RFX4: variants seen among roughly 807,000 people sequenced by gnomAD.
The protein encoded by RFX4 is regulatory factor X4, also known as transcription factor RFX4.
In RFX4, 10 loss-of-function variants were observed where a neutral mutation model predicts 95.0. The observed-to-expected ratio is 0.11, with a 90% CI of 0.06 to 0.18. The LOEUF is 0.18. Ranked by LOEUF, RFX4 falls within the 10% of genes least tolerant of loss-of-function variation. The probability of loss-of-function intolerance (pLI) is 1.00; values close to 1 mark genes in which losing one functional copy is unlikely to be tolerated. For missense variants in RFX4, 640 were observed against 922.0 expected, an observed-to-expected ratio of 0.69 and a Z score of 3.96; for synonymous variants, 321 against 340.7, an observed-to-expected ratio of 0.94 and a Z score of 0.64.
chr12:106,641,979 A>ATATCTATATCTATATC (rs1565961050), intron 3 of RFX4, among the ~76,000 whole-genome samples: 9 of 126,086 alleles, frequency 7.1e-5, no homozygotes, highest in African/African-American at 2.8e-4. Flanking sequence ...ATCTATATCT[A>ATATCTATATCTATATC]TATCTATATC....
At chr12:106,613,891 C>G (rs1364190702) in intron 2 of RFX4, among the ~76,000 whole-genome samples, 5 of 152,084 alleles carry the variant, frequency 3.3e-5, no homozygotes, top group Non-Finnish European at 7.3e-5. Context: ...AGTAGAATTG[C>G]TAGATCATAA....
chr12:106,698,076 G>T (rs2041915398), intron 8 of RFX4, among the ~76,000 whole-genome samples: 2 of 151,768 alleles, frequency 1.3e-5, no homozygotes, highest in African/African-American at 4.8e-5. Flanking sequence ...GGGTTCAAGT[G>T]ATTCTCCTGC....
At chr12:106,727,387 G>A (rs969845268) in intron 13 of RFX4, among the ~76,000 whole-genome samples, 5 of 152,084 alleles carry the variant, frequency 3.3e-5, no homozygotes, top group South Asian at 2.1e-4. Context: ...ACTTAATGGC[G>A]AAATGTTAGA....
At chr12:106,627,649 T>C (rs1310349925) in intron 2 of RFX4, among the ~76,000 whole-genome samples, 2 of 152,226 alleles carry the variant, frequency 1.3e-5, no homozygotes, top group African/African-American at 4.8e-5. Flanking sequence ...CTTAGTTGAT[T>C]ATCCAATTTG....
At chr12:106,680,039 C>A (rs934162486) in intron 4 of RFX4, among the ~76,000 whole-genome samples, 3 of 152,212 alleles carry the variant, frequency 2.0e-5, no homozygotes, top group Non-Finnish European at 2.9e-5. Flanking sequence ...TTATTGCCTA[C>A]AAAGTGGTAC....
intron 1 of RFX4, among the ~76,000 whole-genome samples, chr12:106,598,260 G>A (rs905016216): frequency 2.6e-5 from 4 of 152,218 alleles, no homozygotes; most frequent in South Asian, 2.1e-4. Context: ...GCACCAAGTC[G>A]TTTATTGAAA....
At chr12:106,708,103 T>C (rs1168041921) in intron 8 of RFX4, among the ~76,000 whole-genome samples, 1 of 152,160 alleles carries the variant, frequency 6.6e-6, no homozygotes, top group Admixed American at 6.5e-5. Flanking sequence ...CACTGCACTC[T>C]AGCCTGGGCA....
At chr12:106,729,946 A>C (rs150763627) in intron 13 of RFX4, among the ~76,000 whole-genome samples, 1 of 152,326 alleles carries the variant, frequency 6.6e-6, no homozygotes, top group South Asian at 2.1e-4. Flanking sequence ...ACAGTGATTG[A>C]GCAGAACCTG....
In RFX4 at chr12:106,762,195, C is replaced by T. The variant is rs2043217452; in HGVS notation, c.*726C>T. Reference sequence around the variant, plus strand: ...GGTTCTTCTACATACAAGGATTTGTCTTAAGTTTGCACAATGGCTAGTGTC... The same window carrying T: ...GGTTCTTCTACATACAAGGATTTGTTTTAAGTTTGCACAATGGCTAGTGTC... On this transcript the variant is annotated 3_prime_UTR_variant, in exon 18 of 18. Transcript: ENST00000392842. 1.3e-5 allele frequency: 2 copies of T among 152,178 alleles called. No homozygotes were observed. Among genetic ancestry groups the T allele is most frequent in the Admixed American group, 1.3e-4 (2 of 15,236 alleles). The allele number at this position is 152,178 out of a possible 1,614,324, so 9.4% of individuals were successfully genotyped here.
intron 8 of RFX4, among the ~76,000 whole-genome samples, chr12:106,697,840 C>A (rs1482194066): frequency 6.6e-6 from 1 of 152,196 alleles, no homozygotes; most frequent in East Asian, 1.9e-4. Flanking sequence ...CAAGGGTGGA[C>A]ATCTTTGCAT....
intron 6 of RFX4, 28 bp downstream of exon 6, chr12:106,687,125 G>A: frequency 1.2e-6 from 2 of 1,603,362 alleles, no homozygotes; most frequent in South Asian, 2.2e-5. Flanking sequence ...GACTATTTGG[G>A]GTGGGTGGTT....
At chr12:106,689,097 A>G (rs1171665511) in intron 6 of RFX4, among the ~76,000 whole-genome samples, 190 bp from the exon 7 acceptor site, 2 of 152,190 alleles carry the variant, frequency 1.3e-5, no homozygotes, top group East Asian at 3.8e-4. Context: ...AGCACAGAGG[A>G]GGGAGCCAAG....
chr12:106,639,241 T>C (rs777294468), intron 2 of RFX4, 91 bp from the exon 3 acceptor site: 1 of 1,067,122 alleles, frequency 9.4e-7, no homozygotes, highest in Non-Finnish European at 1.4e-6. Context: ...CAAAGAAACA[T>C]AGTCTTTTGA....
intron 4 of RFX4, among the ~76,000 whole-genome samples, chr12:106,675,549 T>C (rs1435460216): frequency 1.3e-5 from 2 of 152,198 alleles, no homozygotes; most frequent in Non-Finnish European, 2.9e-5. Context: ...TAACTCAATT[T>C]AGCCATTCCA....
At chr12:106,601,569 A>C (rs953644554) in intron 1 of RFX4, among the ~76,000 whole-genome samples, 1 of 152,218 alleles carries the variant, frequency 6.6e-6, no homozygotes, top group Non-Finnish European at 1.5e-5. Flanking sequence ...ACACTTTTTA[A>C]GTCAGGCAGC....
chr12:106,745,898 A>T (rs976137551), intron 15 of RFX4, among the ~76,000 whole-genome samples: 4 of 152,206 alleles, frequency 2.6e-5, no homozygotes, highest in Admixed American at 2.0e-4. Flanking sequence ...TGATGAGTTT[A>T]GTATTGCTAT....
At chr12:106,711,826 T>A (rs2042195635) in intron 10 of RFX4, among the ~76,000 whole-genome samples, 1 of 152,232 alleles carries the variant, frequency 6.6e-6, no homozygotes, top group Non-Finnish European at 1.5e-5. Context: ...ATTAAGAGGA[T>A]GATTTGTTTG....
At chr12:106,614,633 T>C (rs2040035610) in intron 2 of RFX4, among the ~76,000 whole-genome samples, 1 of 151,626 alleles carries the variant, frequency 6.6e-6, no homozygotes, top group South Asian at 2.1e-4. Context: ...CTCAGCCTCC[T>C]GAGTAGCTGG....
At chr12:106,599,764 C>G (rs906684687) in intron 1 of RFX4, among the ~76,000 whole-genome samples, 4 of 151,988 alleles carry the variant, frequency 2.6e-5, no homozygotes. Context: ...TAATGAGCCT[C>G]TAGCGGCCTC....
Sources: gnomAD v4.1 joint callset for allele counts (sites outside exome capture counted in the v4.1 genomes callset) on GRCh38, gnomAD v4.1.1 for gene constraint, MANE v1.5 for transcripts, NCBI Gene and HGNC (gene_info 2026-07-23, HGNC 2026-07-21) for gene names.